The following GPC5 variants were observed in gnomAD, a reference collection of about 807,000 sequenced individuals.
The protein encoded by GPC5 is glypican 5.
Under a neutral mutation model 53.9 loss-of-function variants are expected in GPC5, and 47 were observed. The ratio of observed to expected loss-of-function variants is 0.87; its 90% confidence interval spans 0.69 to 1.11. GPC5 has a LOEUF of 1.11. Among genes scored for constraint, GPC5 ranks in the 50% most tolerant of loss-of-function variants. GPC5 has a pLI of 0.00. For missense variants in GPC5, 748 were observed against 713.1 expected, an observed-to-expected ratio of 1.05 and a Z score of -0.56; for synonymous variants, 286 against 263.3, an observed-to-expected ratio of 1.09 and a Z score of -0.84.
In GPC5 at chr13:91,616,655, G is replaced by A. The variant is rs138438506; in HGVS notation, c.326-76532G>A. 7.3e-5 allele frequency among the ~76,000 whole-genome samples: 11 copies of A among 151,586 alleles called. No homozygotes were observed. In the East Asian group the frequency reaches 1.4e-3, roughly 19 times the overall value. On this transcript the variant is annotated intron_variant, in intron 2 of 7. Coordinates refer to ENST00000377067, the MANE Select transcript of GPC5 (RefSeq NM_004466.6). ...TTAAACATTTAAGCTCAACAATTTT[G>A]TCAATCCCTAGATATAAACCTCTTC...
intron 2 of GPC5, among the ~76,000 whole-genome samples, chr13:91,454,995 G>T (rs1459215030): frequency 1.3e-5 from 2 of 152,020 alleles, no homozygotes; most frequent in East Asian, 3.9e-4. Context: ...ACATTTGGGA[G>T]ATTACAACTA....
intron 2 of GPC5, among the ~76,000 whole-genome samples, chr13:91,671,779 G>GAAAAAAAAAAA (rs2035248996): frequency 4.0e-5 from 1 of 25,034 alleles, no homozygotes; most frequent in Non-Finnish European, 7.0e-5. Context: ...ACAATCTGAA[G>GAAAAAAAAAAA]CAAAAAAAAA....
chr13:92,225,213 T>C (rs575513443), intron 7 of GPC5, among the ~76,000 whole-genome samples: 32 of 152,346 alleles, frequency 2.1e-4, no homozygotes, highest in African/African-American at 7.2e-4. Context: ...ATTATCTGAA[T>C]TATTCAGTTT....
chr13:92,619,849 GAAAC>G (rs1884814747), intron 7 of GPC5, among the ~76,000 whole-genome samples: 1 of 151,944 alleles, frequency 6.6e-6, no homozygotes, highest in South Asian at 2.1e-4. Flanking sequence ...TATACTAACT[GAAAC>G]AAACAATATT....
rs372453843 is a variant in GPC5, at chr13:91,693,855, C to G, written c.994C>G (p.Leu332Val). The G allele has an allele frequency of 1.3e-5, 20 of 1,598,622 alleles. No homozygotes were observed. In the African/African-American group the frequency reaches 1.5e-4, roughly 12 times the overall value. ...TAATGATGCTGTGTTACAGGCTCAC[C>G]TCAATGGACAAAAATTATTGGAACA... ...LVNDAVLQAH[L>V]NGQKLLEQVN... The change falls in exon 3 of 8, where the codon CTC becomes GTC. Residue 332 changes from leucine (L) to valine (V), a missense_variant. Transcript: ENST00000377067.
intron 7 of GPC5, among the ~76,000 whole-genome samples, chr13:92,593,726 A>G (rs1447019227): frequency 6.6e-6 from 1 of 152,186 alleles, no homozygotes; most frequent in East Asian, 1.9e-4. Context: ...GAACACCTGT[A>G]TAGTGTATGT....
intron 7 of GPC5, among the ~76,000 whole-genome samples, chr13:92,518,292 C>G (rs974747210): frequency 6.6e-6 from 1 of 152,102 alleles, no homozygotes; most frequent in East Asian, 1.9e-4. Flanking sequence ...CAAAGATACT[C>G]CTCAAGAAGA....
At chr13:92,135,045 T>A (rs180708013) in intron 6 of GPC5, among the ~76,000 whole-genome samples, 1 of 152,100 alleles carries the variant, frequency 6.6e-6, no homozygotes, top group African/African-American at 2.4e-5. Flanking sequence ...CATTTCCTTT[T>A]CCCCCCTCTC....
chr13:91,884,882 T>A (rs1316343380), intron 5 of GPC5, among the ~76,000 whole-genome samples: 1 of 152,184 alleles, frequency 6.6e-6, no homozygotes, highest in Non-Finnish European at 1.5e-5. Flanking sequence ...ACCTTCTGTA[T>A]CCTTTATTTT....
At chr13:91,950,179 A>T (rs550412086) in intron 6 of GPC5, among the ~76,000 whole-genome samples, 1 of 150,950 alleles carries the variant, frequency 6.6e-6, no homozygotes, top group South Asian at 2.1e-4. Context: ...CTCTTTTATG[A>T]TTTGCCACCA....
chr13:91,846,399 G>A (rs1000705551), intron 5 of GPC5, among the ~76,000 whole-genome samples: 6 of 151,980 alleles, frequency 3.9e-5, no homozygotes, highest in Admixed American at 3.9e-4. Context: ...TTGTACATAA[G>A]GGTTTTATTG....
intron 7 of GPC5, among the ~76,000 whole-genome samples, chr13:92,562,162 A>T (rs2139030387): frequency 6.6e-6 from 1 of 152,198 alleles, no homozygotes; most frequent in African/African-American, 2.4e-5. Context: ...ATAGTTATCA[A>T]GATTGCTTCT....
chr13:91,631,776 A>G lies in GPC5; in HGVS notation c.326-61411A>G, dbSNP rs73607947. 3.6e-3 allele frequency among the ~76,000 whole-genome samples: 549 copies of G among 152,266 alleles called. 6 individuals carry two copies. Among genetic ancestry groups the G allele is most frequent in the African/African-American group, 0.013 (525 of 41,568 alleles). ...TTGGGAAATACTCTTCAGTCTTACTATTAGGAGAAATAGTAAAAGAATAAG... is the reference window on the plus strand; with the variant it reads ...TTGGGAAATACTCTTCAGTCTTACTGTTAGGAGAAATAGTAAAAGAATAAG... On this transcript the variant is annotated intron_variant, in intron 2 of 7. Transcript: ENST00000377067.
intron 6 of GPC5, among the ~76,000 whole-genome samples, chr13:92,046,855 G>T (rs566792369): frequency 6.6e-6 from 1 of 152,260 alleles, no homozygotes; most frequent in South Asian, 2.1e-4. Context: ...TAATGCATTC[G>T]TGTATATTTT....
intron 6 of GPC5, among the ~76,000 whole-genome samples, chr13:92,104,375 A>C (rs1315394299): frequency 6.6e-6 from 1 of 152,166 alleles, no homozygotes; most frequent in African/African-American, 2.4e-5. Context: ...CAGAGTTCTA[A>C]AACTTAATTT....
chr13:92,088,151 C>G (rs1471336279), intron 6 of GPC5, among the ~76,000 whole-genome samples: 2 of 152,084 alleles, frequency 1.3e-5, no homozygotes, highest in Non-Finnish European at 2.9e-5. Flanking sequence ...TTTCTCATAT[C>G]CCACTCATGC....
At chr13:92,325,543 A>G (rs908681917) in intron 7 of GPC5, among the ~76,000 whole-genome samples, 3 of 152,060 alleles carry the variant, frequency 2.0e-5, no homozygotes, top group Non-Finnish European at 4.4e-5. Flanking sequence ...GTGGTGGAGC[A>G]TATCAAGAGG....
At chr13:91,713,985 A>C (rs1297955838) in intron 3 of GPC5, among the ~76,000 whole-genome samples, 2 of 152,186 alleles carry the variant, frequency 1.3e-5, no homozygotes, top group East Asian at 3.9e-4. Context: ...CCATTCCATC[A>C]CCAGAATAAC....
chr13:91,535,054 T>G (rs1241048218), intron 2 of GPC5, among the ~76,000 whole-genome samples: 1 of 152,324 alleles, frequency 6.6e-6, no homozygotes, highest in African/African-American at 2.4e-5. Context: ...AAATCACTTC[T>G]TCTCAGGCTT....
Sources: gnomAD v4.1 joint callset for allele counts (sites outside exome capture counted in the v4.1 genomes callset) on GRCh38, gnomAD v4.1.1 for gene constraint, MANE v1.5 for transcripts, NCBI Gene and HGNC (gene_info 2026-07-23, HGNC 2026-07-21) for gene names.